Variants in NCKAP5 observed in about 807,000 individuals in gnomAD.
The protein encoded by NCKAP5 is NCK associated protein 5.
A neutral mutation model predicts 167.0 loss-of-function variants in NCKAP5; 92 were observed. The observed-to-expected ratio is 0.55, with a 90% CI of 0.47 to 0.66. The LOEUF is 0.66. Ranked by LOEUF, NCKAP5 falls within the 30% of genes least tolerant of loss-of-function variation. The pLI is 0.00. For synonymous variants in NCKAP5, 891 were observed against 877.4 expected (o/e 1.02, Z -0.27); for missense variants, 2,378 against 2,315.0 (o/e 1.03, Z -0.56).
intron 8 of NCKAP5, 131 bp downstream of exon 8, chr2:132,963,589 G>A: frequency 1.0e-6 from 1 of 957,754 alleles, no homozygotes; most frequent in Non-Finnish European, 1.5e-6. Context: ...ATCTCAGCAG[G>A]AAATCGTAGA....
At chr2:133,665,848 G>A in the NCKAP5 span, among the ~76,000 whole-genome samples, 9 of 152,316 alleles carry the variant, frequency 5.9e-5, no homozygotes, top group Middle Eastern at 6.8e-3. Context: ...AAATGGTAGT[G>A]TAATGTATTT....
intron 5 of NCKAP5, among the ~76,000 whole-genome samples, chr2:133,212,218 T>C (rs62178458): frequency 0.47 from 71,072 of 151,984 alleles, 17,045 homozygotes; most frequent in Non-Finnish European, 0.52. Flanking sequence ...GGAGCTAGTC[T>C]TAAACAAAAG....
chr2:132,895,133 C>T (rs1574549141), intron 8 of NCKAP5, among the ~76,000 whole-genome samples: 2 of 151,886 alleles, frequency 1.3e-5, no homozygotes, highest in East Asian at 3.9e-4. Flanking sequence ...AGATGGAGAC[C>T]TTCCTGGCTA....
intron 3 of NCKAP5, among the ~76,000 whole-genome samples, chr2:133,384,298 A>T (rs1686760889): frequency 6.6e-6 from 1 of 152,170 alleles, no homozygotes; most frequent in African/African-American, 2.4e-5. Flanking sequence ...TCCCAGCACC[A>T]TTTATTAAAT....
intron 8 of NCKAP5, among the ~76,000 whole-genome samples, chr2:132,902,084 T>C (rs976324571): frequency 6.6e-6 from 1 of 152,232 alleles, no homozygotes; most frequent in African/African-American, 2.4e-5. Flanking sequence ...AAGCAATTAT[T>C]ACTGTGAATC....
At chr2:133,059,117 G>A (rs2079902305) in intron 6 of NCKAP5, among the ~76,000 whole-genome samples, 1 of 151,884 alleles carries the variant, frequency 6.6e-6, no homozygotes, top group African/African-American at 2.4e-5. Flanking sequence ...GGCTAACACG[G>A]TGAAACCCTG....
At chr2:133,284,296 C>T (rs1453054125) in intron 4 of NCKAP5, among the ~76,000 whole-genome samples, 1 of 152,026 alleles carries the variant, frequency 6.6e-6, no homozygotes, top group Non-Finnish European at 1.5e-5. Context: ...AGCCCTACCC[C>T]ATAGAGTAGG....
At position 132,902,627 on chromosome 2, in the gene NCKAP5, T is replaced by C. The variant is rs116615923; in HGVS notation, c.580-23711A>G. 2.2e-3 allele frequency among the ~76,000 whole-genome samples: 328 copies of C among 152,320 alleles called. 2 individuals are homozygous for C. Among genetic ancestry groups the C allele is most frequent in the Middle Eastern group, 6.8e-3 (2 of 294 alleles). On this transcript the variant is annotated intron_variant, in intron 8 of 19. Coordinates refer to ENST00000409261, the MANE Select transcript of NCKAP5 (RefSeq NM_207363.3). ...GCAGTCTGGAATCTTGGCTGTAAGA[T>C]AGTTTTCAGCATAAAAGGCTTGATT...
chr2:133,279,339 G>T (rs560318539), intron 4 of NCKAP5, among the ~76,000 whole-genome samples: 2 of 152,214 alleles, frequency 1.3e-5, no homozygotes, highest in East Asian at 3.9e-4. Flanking sequence ...CTACAATTCA[G>T]ATTTGCAGTC....
At chr2:132,962,783 G>A (rs2076556024) in intron 8 of NCKAP5, among the ~76,000 whole-genome samples, 1 of 152,064 alleles carries the variant, frequency 6.6e-6, no homozygotes, top group Non-Finnish European at 1.5e-5. Context: ...AGTAGAGACG[G>A]GGTTTCACCT....
chr2:133,667,107 G>A, the NCKAP5 span, among the ~76,000 whole-genome samples: 3 of 152,150 alleles, frequency 2.0e-5, no homozygotes, highest in East Asian at 3.9e-4. Flanking sequence ...TTAACATTCA[G>A]TCTCTTACCT....
intron 6 of NCKAP5, among the ~76,000 whole-genome samples, chr2:133,129,618 G>A (rs967863241): frequency 3.9e-5 from 6 of 152,044 alleles, no homozygotes; most frequent in Admixed American, 3.9e-4. Context: ...CCTAGTAATG[G>A]GATGGCTGGG....
chr2:133,358,325 C>T (rs991372337), intron 3 of NCKAP5, among the ~76,000 whole-genome samples: 2 of 152,166 alleles, frequency 1.3e-5, no homozygotes, highest in African/African-American at 4.8e-5. Flanking sequence ...CCCGTAATCT[C>T]AGTGGGAGTT....
In NCKAP5 at chr2:132,994,160, C is replaced by T. The variant is rs1416671884; in HGVS notation, c.421G>A (p.Val141Ile). ...QKKEETVNIMVYQEKLSEEER... is the reference protein window; with the variant it reads ...QKKEETVNIMIYQEKLSEEER... ...TAATAAACATGGTGTACCTGATAGA[C>T]CATTATATTAACAGTTTCTTCTTTT... is the stretch of plus-strand genomic sequence containing the variant. Residue 141 changes from valine (V) to isoleucine (I), a missense_variant, in exon 7 of 20, where the codon GTC becomes ATC. By Grantham distance (29) the Val-to-Ile change is conservative. Coordinates refer to ENST00000409261, the MANE Select transcript of NCKAP5 (RefSeq NM_207363.3). The T allele has an allele frequency of 6.4e-7, 1 of 1,572,680 alleles. No homozygotes were observed. Among genetic ancestry groups the T allele is most frequent in the East Asian group, 2.3e-5 (1 of 43,686 alleles).
At chr2:133,519,419 A>T (rs1194133709) in intron 2 of NCKAP5, among the ~76,000 whole-genome samples, 1 of 152,186 alleles carries the variant, frequency 6.6e-6, no homozygotes, top group African/African-American at 2.4e-5. Context: ...TAGTCAACTG[A>T]AATTTGTTTG....
At chr2:133,271,617 A>T (rs1425074346) in intron 4 of NCKAP5, among the ~76,000 whole-genome samples, 2 of 152,222 alleles carry the variant, frequency 1.3e-5, no homozygotes, top group African/African-American at 4.8e-5. Context: ...TCAAAAAGTC[A>T]GTGTTCATAG....
chr2:133,071,361 T>C (rs1806954), intron 6 of NCKAP5, among the ~76,000 whole-genome samples: 62,604 of 151,510 alleles, frequency 0.41, 14,543 homozygotes, highest in African/African-American at 0.63. Context: ...AGGAGAATGG[T>C]GTGAACCCGG....
the NCKAP5 span, among the ~76,000 whole-genome samples, chr2:133,600,818 A>G: frequency 2.0e-5 from 3 of 152,188 alleles, no homozygotes; most frequent in South Asian, 6.2e-4. Context: ...CTGGACAGAG[A>G]CTGAAGGCAT....
At chr2:133,547,859 C>T (rs1185607216) in intron 2 of NCKAP5, among the ~76,000 whole-genome samples, 201 of 147,270 alleles carry the variant, frequency 1.4e-3, no homozygotes, top group African/African-American at 4.1e-3. Flanking sequence ...TCACCAGCAA[C>T]GGAACAAAGC....
Sources: gnomAD v4.1 joint callset for allele counts (sites outside exome capture counted in the v4.1 genomes callset) on GRCh38, gnomAD v4.1.1 for gene constraint, MANE v1.5 for transcripts, NCBI Gene and HGNC (gene_info 2026-07-23, HGNC 2026-07-21) for gene names.